PSTPIP1: variants seen among roughly 807,000 people sequenced by gnomAD.
The protein encoded by PSTPIP1 is proline-serine-threonine phosphatase interacting protein 1.
A neutral mutation model predicts 69.6 loss-of-function variants in PSTPIP1; 66 were observed. The observed-to-expected ratio is 0.95, with a 90% CI of 0.78 to 1.16. The LOEUF (loss-of-function observed/expected upper bound fraction) is 1.16, where lower values mean the gene tolerates loss of function less well. PSTPIP1 is among the 50% of genes most tolerant of loss of function. The pLI is 0.00. For missense variants in PSTPIP1, 603 were observed against 557.4 expected (o/e 1.08, Z -0.82); for synonymous variants, 266 against 222.7 (o/e 1.19, Z -1.73).
At chr15:77,032,646 C>T (rs2076449235) in intron 11 of PSTPIP1, 1 of 615,458 alleles carries the variant, frequency 1.6e-6, no homozygotes, top group Non-Finnish European at 2.9e-6. Context: ...CCACGGCCCC[C>T]ACTCCCCGCC....
intron 1 of PSTPIP1, chr15:77,007,924 C>A (rs1161665632): frequency 4.4e-6 from 2 of 456,058 alleles, no homozygotes; most frequent in African/African-American, 4.0e-5. Flanking sequence ...ACTGCAGTCA[C>A]TGAAGCAGAA....
intron 8 of PSTPIP1, 109 bp downstream of exon 8, chr15:77,029,683 A>C: frequency 7.9e-7 from 1 of 1,261,492 alleles, no homozygotes; most frequent in Non-Finnish European, 1.1e-6. Flanking sequence ...CTGCACAATC[A>C]TGGGCGCGGC....
intron 10 of PSTPIP1, 134 bp from the exon 11 acceptor site, chr15:77,032,164 T>TC: frequency 2.5e-6 from 2 of 809,430 alleles, no homozygotes; most frequent in South Asian, 3.4e-5. Context: ...CCGTGACCCC[T>TC]CAGGATCAAA....
rs370782742 is a variant in PSTPIP1 at position 77,029,567 on chromosome 15, C to G, written c.555C>G (p.Thr185=). ...NKARQCKDSA[T]EAERVYRQSI... ...CCAGGCAGTGCAAGGACTCGGCCACCGAGGCAGGTATGTGGGCCTGGCTGC... is the reference window on the plus strand; with the variant it reads ...CCAGGCAGTGCAAGGACTCGGCCACGGAGGCAGGTATGTGGGCCTGGCTGC... The change falls in exon 8 of 15, where the codon ACC becomes ACG. Residue 185 remains threonine (T), a synonymous_variant. Transcript: ENST00000558012. 7.0e-6 allele frequency: 11 copies of G among 1,580,726 alleles called. No individual in the cohort carries two copies. The highest frequency in any genetic ancestry group is 9.4e-6 in the Non-Finnish European group (11 of 1,164,442).
chr15:77,018,295 G>T (rs3812911), intron 2 of PSTPIP1, 47 bp downstream of exon 2: 83 of 1,549,434 alleles, frequency 5.4e-5, no homozygotes, highest in Non-Finnish European at 6.7e-5. Context: ...GAAGCAGGTG[G>T]CTTCCGCTCG....
intron 1 of PSTPIP1, among the ~76,000 whole-genome samples, chr15:76,997,819 A>G (rs1393587414): frequency 6.6e-6 from 1 of 152,120 alleles, no homozygotes; most frequent in Non-Finnish European, 1.5e-5. Flanking sequence ...AAGGCACACT[A>G]CTCTGGCCAC....
intron 10 of PSTPIP1, chr15:77,031,834 CTG>C (rs1183417439): frequency 1.1e-5 from 2 of 179,812 alleles, no homozygotes; most frequent in Admixed American, 5.6e-5. Flanking sequence ...CCCTTGCCTG[CTG>C]TGTTTCCTGC....
At chr15:77,015,900 C>T (rs1033671476) in intron 1 of PSTPIP1, 25 of 455,242 alleles carry the variant, frequency 5.5e-5, no homozygotes, top group South Asian at 2.8e-4. Context: ...GGGGACTGGG[C>T]GGGATCCTGG....
intron 1 of PSTPIP1, among the ~76,000 whole-genome samples, chr15:77,008,216 G>A (rs914608883): frequency 6.6e-6 from 1 of 152,156 alleles, no homozygotes. Context: ...GGGGATATCT[G>A]TGAGGATTCT....
chr15:77,001,819 G>A (rs981759120), intron 1 of PSTPIP1, among the ~76,000 whole-genome samples: 8 of 152,198 alleles, frequency 5.3e-5, no homozygotes, highest in African/African-American at 9.7e-5. Flanking sequence ...ATCTGTGGAC[G>A]GATGCACAGG....
chr15:76,995,882 A>T (rs1471193557), intron 1 of PSTPIP1, among the ~76,000 whole-genome samples: 3 of 152,090 alleles, frequency 2.0e-5, no homozygotes, highest in South Asian at 2.1e-4. Flanking sequence ...TCCTCAGAAG[A>T]GGGTAACACA....
intron 6 of PSTPIP1, 154 bp from the exon 7 acceptor site, chr15:77,028,400 C>A: frequency 3.3e-6 from 2 of 600,944 alleles, no homozygotes; most frequent in Non-Finnish European, 5.9e-6. Flanking sequence ...TATCTCCTTC[C>A]GGACCCCCAG....
intron 7 of PSTPIP1, among the ~76,000 whole-genome samples, chr15:77,028,925 G>A (rs929389722): frequency 2.0e-5 from 3 of 152,260 alleles, no homozygotes; most frequent in Admixed American, 6.5e-5. Flanking sequence ...ACAGGGTGAT[G>A]AGAGCAGACG....
At chr15:77,004,732 C>T (rs1479676985) in intron 1 of PSTPIP1, among the ~76,000 whole-genome samples, 1 of 151,302 alleles carries the variant, frequency 6.6e-6, no homozygotes, top group Non-Finnish European at 1.5e-5. Flanking sequence ...TGGTGGTGCA[C>T]ACCTGTAGTC....
At position 77,025,835 on chromosome 15, in the gene PSTPIP1, C is replaced by T. The variant is rs556511522; in HGVS notation, c.354+231C>T. ...TTAGTCCCAGAGCCCCATGGAAGGTCCTTCCTGTCGAGCTGCCTCACGCCT... is the reference window on the plus strand; with the variant it reads ...TTAGTCCCAGAGCCCCATGGAAGGTTCTTCCTGTCGAGCTGCCTCACGCCT... On this transcript the variant is annotated intron_variant, in intron 5 of 14. Coordinates refer to ENST00000558012, the MANE Select transcript of PSTPIP1 (RefSeq NM_003978.5). 7.9e-5 allele frequency among the ~76,000 whole-genome samples: 12 copies of T among 152,298 alleles called. No individual in the cohort carries two copies. In the East Asian group the frequency reaches 2.3e-3, roughly 30 times the overall value.
chr15:77,019,266 G>C (rs2076115269), intron 3 of PSTPIP1, among the ~76,000 whole-genome samples: 1 of 152,218 alleles, frequency 6.6e-6, no homozygotes, highest in African/African-American at 2.4e-5. Context: ...GGCCCAGACT[G>C]TCCCCCTGGG....
rs1435290161 is a variant in PSTPIP1, at chr15:77,025,293, G to A, written c.222G>A (p.Arg74=). 48 of 1,610,974 alleles carry A rather than the reference G, an allele frequency of 3.0e-5. No individual in the cohort carries two copies. Among genetic ancestry groups the A allele is most frequent in the Admixed American group, 8.3e-5 (5 of 60,002 alleles). Residue 74 remains arginine (R), a synonymous_variant, in exon 4 of 15, where the codon AGG becomes AGA. Coordinates refer to ENST00000558012, the MANE Select transcript of PSTPIP1 (RefSeq NM_003978.5). ...CCCATCTGTTTTGCAGCTCCCTGAG[G>A]GCCTCCTTTGACTCCTTGAAGCAGC... ...AGGQTEINSL[R]ASFDSLKQQM... is the part of the protein sequence containing the mutation.
At chr15:77,000,479 A>ATATATATATATATATATATATATATATG (rs1568482008) in intron 1 of PSTPIP1, among the ~76,000 whole-genome samples, 19 of 148,930 alleles carry the variant, frequency 1.3e-4, no homozygotes, top group African/African-American at 4.3e-4. Context: ...ATATATATAC[A>ATATATATATATATATATATATATATATG]CACACACACA....
chr15:77,033,985 TCAC>T (rs1234686837), intron 12 of PSTPIP1, among the ~76,000 whole-genome samples: 10 of 151,910 alleles, frequency 6.6e-5, no homozygotes, highest in Non-Finnish European at 1.5e-5. Context: ...ACAAAAGAGC[TCAC>T]CTGAAGCAGT....
Sources: gnomAD v4.1 joint callset for allele counts (sites outside exome capture counted in the v4.1 genomes callset) on GRCh38, gnomAD v4.1.1 for gene constraint, MANE v1.5 for transcripts, NCBI Gene and HGNC (gene_info 2026-07-23, HGNC 2026-07-21) for gene names.